The following TMX1 variants were observed in gnomAD, a reference collection of about 807,000 sequenced individuals.
TMX1 encodes thioredoxin related transmembrane protein 1.
TMX1 carries 25 observed loss-of-function variants against 36.6 expected under a neutral mutation model. The observed-to-expected ratio is 0.68, with a 90% CI of 0.50 to 0.95. The LOEUF is 0.95. TMX1 is among the 40% of genes least tolerant of loss of function. The probability of loss-of-function intolerance (pLI) is 0.00; values close to 1 mark genes in which losing one functional copy is unlikely to be tolerated. For missense variants in TMX1, 347 were observed against 339.6 expected (o/e 1.02, Z -0.17); for synonymous variants, 133 against 118.0 (o/e 1.13, Z -0.82).
chr14:51,250,681 C>T (rs542751819), intron 7 of TMX1, among the ~76,000 whole-genome samples: 248 of 152,118 alleles, frequency 1.6e-3, no homozygotes, highest in Non-Finnish European at 2.5e-3. Flanking sequence ...TTAGTAGAGA[C>T]GGGGTTTCAC....
intron 3 of TMX1, among the ~76,000 whole-genome samples, chr14:51,246,311 C>T (rs1258354045): frequency 1.1e-4 from 17 of 152,130 alleles, no homozygotes; most frequent in Non-Finnish European, 1.3e-4. Flanking sequence ...TCTCCTGTTT[C>T]CTGCCTGTCG....
At chr14:51,249,597 G>A (rs2065802400) in intron 6 of TMX1, 28 bp downstream of exon 6, 1 of 1,601,984 alleles carries the variant, frequency 6.2e-7, no homozygotes. Flanking sequence ...GGAGTGCTAG[G>A]AAGAAAGATA....
intron 3 of TMX1, among the ~76,000 whole-genome samples, chr14:51,246,431 C>G (rs1566710528): frequency 6.6e-6 from 1 of 152,116 alleles, no homozygotes; most frequent in African/African-American, 2.4e-5. Context: ...ATAAAGGGTC[C>G]CTTAACCCTA....
intron 6 of TMX1, 34 bp from the exon 7 acceptor site, chr14:51,249,659 A>G (rs769825546): frequency 4.4e-6 from 7 of 1,601,958 alleles, no homozygotes; most frequent in Non-Finnish European, 5.1e-6. Flanking sequence ...CATATATTCT[A>G]CATTCAGATT....
intron 4 of TMX1, among the ~76,000 whole-genome samples, chr14:51,248,856 A>T (rs1387047475): frequency 6.6e-6 from 1 of 152,184 alleles, no homozygotes; most frequent in Non-Finnish European, 1.5e-5. Flanking sequence ...TGCTCTTGTA[A>T]ATTTTAATTA....
Position 51,255,159 on chromosome 14 carries a change from A to C in TMX1, c.*640A>C, listed in dbSNP as rs1353111405. 1 of 152,012 alleles carries C rather than the reference A, an allele frequency of 6.6e-6. No homozygotes were observed. Among genetic ancestry groups the C allele is most frequent in the Non-Finnish European group, 1.5e-5 (1 of 67,912 alleles). The allele number at this position is 152,012 out of a possible 1,614,324, so 9.4% of individuals were successfully genotyped here. ...CATGGTATTCTCTTGATTCCAACAA[A>C]GTTTGATTTTCTCTTGTATTTTTCT... is the stretch of plus-strand genomic sequence containing the variant. On this transcript the variant is annotated 3_prime_UTR_variant, in exon 8 of 8. Coordinates refer to ENST00000457354, the MANE Select transcript of TMX1 (RefSeq NM_030755.5).
Position 51,249,330 on chromosome 14 carries a change from AGTAG to A in TMX1, c.449_452del (p.Ser150IlefsTer36). ...AATCATCTCTTTTATTTTTAGGATG[AGTAG>A]TATGTCAGCACTCTTTCAGCTATCT... On this transcript the variant is annotated frameshift_variant, in exon 5 of 8. Transcript: ENST00000457354. LOFTEE classifies it high-confidence loss of function. 6.2e-7 allele frequency: 1 copy of A among 1,602,198 alleles called. No individual in the cohort carries two copies.
At chr14:51,243,370 T>C (rs1403534215) in intron 1 of TMX1, among the ~76,000 whole-genome samples, 1 of 152,230 alleles carries the variant, frequency 6.6e-6, no homozygotes, top group East Asian at 1.9e-4. Context: ...TAGCCAGCCT[T>C]AGTGTGCCAG....
rs2065834555 is a variant in TMX1 at position 51,255,523 on chromosome 14, GA to G, written c.*1009del. 1 of 151,734 alleles carries G rather than the reference GA, an allele frequency of 6.6e-6. No individual in the cohort carries two copies. 9.4% of individuals were successfully genotyped at this position (151,734 alleles called of 1,614,324 possible). ...ATATAAAAGTTTGCATTCTACTCAG[GA>G]AAAAGCATCTTCTTGTATATGTCTT... On this transcript the variant is annotated 3_prime_UTR_variant, in exon 8 of 8. Transcript: ENST00000457354.
intron 1 of TMX1, among the ~76,000 whole-genome samples, chr14:51,243,562 C>T (rs1042035663): frequency 2.6e-5 from 4 of 152,104 alleles, no homozygotes; most frequent in African/African-American, 7.2e-5. Flanking sequence ...GTGGCCACAC[C>T]GTTAATAGAG....
In TMX1 at chr14:51,247,113, G is replaced by A. The variant is rs1434567970; in HGVS notation, c.336G>A (p.Arg112=). Residue 112 remains arginine, a synonymous_variant, in exon 4 of 8, where the codon AGG becomes AGA. Coordinates refer to ENST00000457354, the MANE Select transcript of TMX1 (RefSeq NM_030755.5). ...TTAGTTGTAAAGATGGTGAATTTAG[G>A]CGCTATCAGGGTCCAAGGACTAAGA... is the stretch of plus-strand genomic sequence containing the variant. The part of the protein sequence containing the change: ...TIYHCKDGEF[R]RYQGPRTKKD... 3 of 1,610,716 alleles carry A rather than the reference G, an allele frequency of 1.9e-6. No homozygotes were observed. The highest frequency in any genetic ancestry group is 1.7e-5 in the Admixed American group (1 of 59,812).
rs375298407 is a variant in TMX1 at position 51,256,634 on chromosome 14, A to G, written c.*2115A>G. 2.6e-5 allele frequency: 4 copies of G among 152,182 alleles called. No individual in the cohort carries two copies. Among genetic ancestry groups the G allele is most frequent in the African/African-American group, 9.7e-5 (4 of 41,438 alleles). The allele number at this position is 152,182 out of a possible 1,614,324, so 9.4% of individuals were successfully genotyped here. A position where few individuals can be genotyped will look rare whatever the true frequency, so the allele number is the denominator to read the frequency against. The stretch of plus-strand genomic sequence containing the variant: ...TCTCTAGAGGAAAATACAGTATTCT[A>G]CCTTACGTTGTGTAAATACTTAATG... On this transcript the variant is annotated 3_prime_UTR_variant, in exon 8 of 8. Transcript: ENST00000457354.
Position 51,249,714 on chromosome 14 carries a change from T to G in TMX1, c.613T>G (p.Cys205Gly), listed in dbSNP as rs1486819814. The G allele has an allele frequency of 6.2e-7, 1 of 1,613,692 alleles. No homozygotes were observed. Among genetic ancestry groups the G allele is most frequent in the South Asian group, 1.1e-5 (1 of 91,014 alleles). ...LGLCMIFVAD[C>G]LCPSKRRRPQ... ...ACAGTGTATGATATTTGTGGCAGAT[T>G]GCCTTTGTCCTTCAAAAAGGCGCAG... is the stretch of plus-strand genomic sequence containing the variant. Residue 205 changes from cysteine to glycine, a missense_variant, in exon 7 of 8, where the codon TGC becomes GGC. Cys to Gly is a radical substitution (Grantham distance 159). Transcript: ENST00000457354.
intron 4 of TMX1, among the ~76,000 whole-genome samples, chr14:51,247,605 C>G (rs891645188): frequency 2.0e-5 from 3 of 152,134 alleles, no homozygotes; most frequent in African/African-American, 7.2e-5. Context: ...GATTTGCCCA[C>G]CTCGGCCTCC....
At chr14:51,244,785 A>C (rs1408846513) in intron 2 of TMX1, among the ~76,000 whole-genome samples, 1 of 152,238 alleles carries the variant, frequency 6.6e-6, no homozygotes, top group Non-Finnish European at 1.5e-5. Flanking sequence ...CCCATTTCAC[A>C]GATAAGAAAA....
At chr14:51,251,224 G>T (rs1241211635) in intron 7 of TMX1, among the ~76,000 whole-genome samples, 1 of 152,212 alleles carries the variant, frequency 6.6e-6, no homozygotes, top group African/African-American at 2.4e-5. Context: ...TATGCGTTCA[G>T]TAGAAACCGT....
Position 51,243,839 on chromosome 14 carries a change from A to T in TMX1, c.153-17A>T. 1 of 1,569,264 alleles carries T rather than the reference A, an allele frequency of 6.4e-7. No individual in the cohort carries two copies. The highest frequency in any genetic ancestry group is 8.6e-7 in the Non-Finnish European group (1 of 1,161,196). ...AAAGTGCTTAACTTTTTTTAAAAAA[A>T]AATCTGTATTTCTTAGTTATGCCCC... On this transcript the variant is annotated splice_polypyrimidine_tract_variant and intron_variant, in intron 1 of 7. Coordinates refer to ENST00000457354, the MANE Select transcript of TMX1 (RefSeq NM_030755.5).
chr14:51,240,578 G>A, intron 1 of TMX1, 134 bp downstream of exon 1: 1 of 1,303,578 alleles, frequency 7.7e-7, no homozygotes, highest in South Asian at 1.5e-5. Context: ...GACTTCTGCA[G>A]CTCCCCAAAC....
At chr14:51,253,312 G>A (rs1596408632) in intron 7 of TMX1, among the ~76,000 whole-genome samples, 1 of 152,204 alleles carries the variant, frequency 6.6e-6, no homozygotes. Flanking sequence ...TGAGGAGGGC[G>A]AGAACTTACC....
Sources: allele counts gnomAD v4.1 joint callset (sites outside exome capture counted in the v4.1 genomes callset), GRCh38; gene constraint gnomAD v4.1.1; transcripts MANE v1.5; gene names NCBI Gene and HGNC (gene_info 2026-07-23, HGNC 2026-07-21).